COL4A3: variants seen among roughly 807,000 people sequenced by gnomAD.
COL4A3 encodes collagen type IV alpha 3 chain.
COL4A3 carries 135 observed loss-of-function variants against 217.4 expected under a neutral mutation model. The ratio of observed to expected loss-of-function variants is 0.62; its 90% CI spans 0.54 to 0.72. The LOEUF (loss-of-function observed/expected upper bound fraction) is 0.72, where lower values mean the gene tolerates loss of function less well. Ranked by LOEUF, COL4A3 falls within the 30% of genes least tolerant of loss-of-function variation. The pLI is 0.00. For missense variants in COL4A3, 1,868 were observed against 2,119.9 expected, an observed-to-expected ratio of 0.88 and a Z score of 2.33; for synonymous variants, 690 against 736.3, an observed-to-expected ratio of 0.94 and a Z score of 1.02.
chr2:227,171,364 C>T (rs2065466845), intron 1 of COL4A3, among the ~76,000 whole-genome samples: 1 of 152,172 alleles, frequency 6.6e-6, no homozygotes, highest in African/African-American at 2.4e-5. Context: ...GTGCCATGCT[C>T]AGGGTATAAA....
At chr2:227,198,010 G>A (rs895270277) in intron 1 of COL4A3, among the ~76,000 whole-genome samples, 7 of 152,230 alleles carry the variant, frequency 4.6e-5, no homozygotes, top group Non-Finnish European at 8.8e-5. Context: ...TGTGGAAATC[G>A]TGTTTATGCA....
At chr2:227,303,678 T>C (rs1380733526) in intron 44 of COL4A3, among the ~76,000 whole-genome samples, 181 bp from the exon 45 acceptor site, 3 of 152,212 alleles carry the variant, frequency 2.0e-5, no homozygotes, top group Non-Finnish European at 2.9e-5. Flanking sequence ...ACCTACTGGG[T>C]CCCAGTGACA....
chr2:227,250,230 T>C lies in COL4A3; in HGVS notation c.547-910T>C, dbSNP rs570880272. ...TGGGAGGCTGAGGCAGGAGAATCAC[T>C]TGAACCCGGGAGGCAGAGGCTGCAG... On this transcript the variant is annotated intron_variant, in intron 9 of 51. Transcript: ENST00000396578. This position sits in a 1 kb window ranked among gnomAD's most constrained non-coding sequence, Gnocchi z 4.1. Among the ~76,000 whole-genome samples the C allele has an allele frequency of 6.6e-5, 10 of 152,128 alleles. No individual in the cohort carries two copies. The South Asian group carries it at 1.9e-3, about 29-fold the overall frequency.
intron 43 of COL4A3, 139 bp from the exon 44 acceptor site, chr2:227,302,899 G>A (rs2073354669): frequency 3.0e-6 from 2 of 661,476 alleles, no homozygotes; most frequent in East Asian, 5.5e-5. Context: ...TTGATTGAAA[G>A]ATAAAAATGA....
intron 1 of COL4A3, among the ~76,000 whole-genome samples, chr2:227,179,724 C>G (rs1170315686): frequency 6.6e-6 from 1 of 152,332 alleles, no homozygotes; most frequent in East Asian, 1.9e-4. Flanking sequence ...GTGCTACACG[C>G]TGGGAACAAA....
At position 227,203,467 on chromosome 2, in the gene COL4A3, A is replaced by G. The variant is rs1470661186; in HGVS notation, c.88-34501A>G. Among the ~76,000 whole-genome samples the G allele has an allele frequency of 5.8e-4, 23 of 39,862 alleles. 10 individuals carry two copies. The highest frequency in any genetic ancestry group is 2.1e-3 in the African/African-American group (15 of 7,224). 26.2% of individuals were successfully genotyped at this position (39,862 alleles called of 152,430 possible). ...TGTGTATACATACATATATGTGTGT[A>G]TATATGTGTATACATATGTGTGTAT... On this transcript the variant is annotated intron_variant, in intron 1 of 51. Transcript: ENST00000396578.
chr2:227,211,070 G>A (rs2067301592), intron 1 of COL4A3, among the ~76,000 whole-genome samples: 1 of 151,954 alleles, frequency 6.6e-6, no homozygotes, highest in East Asian at 1.9e-4. Flanking sequence ...GTGCAATCTC[G>A]GCTCACTGCA....
At chr2:227,302,339 C>T (rs890800653) in intron 43 of COL4A3, among the ~76,000 whole-genome samples, 1 of 152,132 alleles carries the variant, frequency 6.6e-6, no homozygotes, top group Non-Finnish European at 1.5e-5. Flanking sequence ...TGTAACTCAA[C>T]AACGGTTTTG....
intron 1 of COL4A3, among the ~76,000 whole-genome samples, chr2:227,197,248 G>A (rs546812154): frequency 1.1e-4 from 17 of 151,826 alleles, no homozygotes; most frequent in Non-Finnish European, 2.4e-4. Context: ...ATGGAGTCTC[G>A]CTCTGTCGCC....
chr2:227,234,421 G>A (rs1475916203), intron 1 of COL4A3, among the ~76,000 whole-genome samples: 2 of 152,032 alleles, frequency 1.3e-5, no homozygotes, highest in African/African-American at 4.8e-5. Context: ...TCCATTTTTT[G>A]CCATTTTGAT....
intron 5 of COL4A3, 68 bp downstream of exon 5, chr2:227,245,063 A>G (rs2069248308): frequency 6.7e-7 from 1 of 1,485,272 alleles, no homozygotes; most frequent in African/African-American, 1.4e-5. Context: ...AGATGTTAAA[A>G]CAGTCGTGCA....
In COL4A3 at chr2:227,303,871, A is replaced by G. The variant is rs2073393522; in HGVS notation, c.3968A>G (p.Asn1323Ser). 2 of 1,614,086 alleles carry G rather than the reference A, an allele frequency of 1.2e-6. No homozygotes were observed. The highest frequency in any genetic ancestry group is 1.7e-6 in the Non-Finnish European group (2 of 1,179,998). Residue 1323 changes from asparagine (N) to serine (S), a missense_variant, in exon 45 of 52, where the codon AAT (asparagine) becomes AGT (serine). Coordinates refer to ENST00000396578, the MANE Select transcript of COL4A3 (RefSeq NM_000091.5). Reference protein sequence around the residue: ...GFPGVKGEKGNPGFLGSIGPP... With the variant: ...GFPGVKGEKGSPGFLGSIGPP... The stretch of plus-strand genomic sequence containing the variant: ...TGTTTGTTTTTAGGAGAAAAGGGTA[A>G]TCCTGGATTTCTAGGATCCATTGGA...
At chr2:227,204,857 C>G (rs2067039780) in intron 1 of COL4A3, among the ~76,000 whole-genome samples, 1 of 152,196 alleles carries the variant, frequency 6.6e-6, no homozygotes, top group South Asian at 2.1e-4. Flanking sequence ...CACATAATCA[C>G]AATCTTCCAA....
rs889261148 is a variant in COL4A3, at chr2:227,253,648, C to T, written c.765+10C>T. 1.1e-5 allele frequency: 18 copies of T among 1,609,762 alleles called. No homozygotes were observed. In the African/African-American group the frequency reaches 1.6e-4, roughly 14 times the overall value. ...CCCAGATAACAGAACGGTAACTCTG[C>T]GATTTTATGATTAGTGTTGTGCCTT... is the stretch of plus-strand genomic sequence containing the variant. On this transcript the variant is annotated intron_variant, in intron 13 of 51. Transcript: ENST00000396578. The surrounding 1 kb of genome is among the most constrained non-coding windows in gnomAD (Gnocchi z 4.4).
intron 48 of COL4A3, among the ~76,000 whole-genome samples, chr2:227,308,339 A>G (rs1031125918): frequency 1.5e-4 from 23 of 152,096 alleles, no homozygotes; most frequent in Non-Finnish European, 8.8e-5. Context: ...CAGACTCCCA[A>G]ATGGCTGGGA....
At chr2:227,169,524 C>T (rs1415321209) in intron 1 of COL4A3, among the ~76,000 whole-genome samples, 1 of 151,784 alleles carries the variant, frequency 6.6e-6, no homozygotes, top group Non-Finnish European at 1.5e-5. Flanking sequence ...AAAAGTGTTC[C>T]TATTTCTCCA....
intron 1 of COL4A3, among the ~76,000 whole-genome samples, chr2:227,219,188 C>T (rs1359612749): frequency 1.3e-5 from 2 of 151,836 alleles, no homozygotes; most frequent in African/African-American, 4.8e-5. Flanking sequence ...TAAGTAGATA[C>T]GGAGGTTTCT....
Position 227,289,073 on chromosome 2 carries a change from C to T in COL4A3, c.2882-77C>T, listed in dbSNP as rs759618484. The T allele has an allele frequency of 4.1e-4, 441 of 1,088,106 alleles. 3 individuals are homozygous for T. The highest frequency in any genetic ancestry group is 1.8e-3 in the Middle Eastern group (7 of 3,894). The allele number at this position is 1,088,106 out of a possible 1,614,324, so 67.4% of individuals were successfully genotyped here. A position where few individuals can be genotyped will look rare whatever the true frequency, so the allele number is the denominator to read the frequency against. On this transcript the variant is annotated intron_variant, in intron 34 of 51. Coordinates refer to ENST00000396578, the MANE Select transcript of COL4A3 (RefSeq NM_000091.5). Reference sequence around the variant, plus strand: ...TCAAGTGATTTTCCTGCCTCAGCCTCCCACGTAGCTGGGATTACAGGCACC... The same window carrying T: ...TCAAGTGATTTTCCTGCCTCAGCCTTCCACGTAGCTGGGATTACAGGCACC...
At chr2:227,232,630 T>G (rs1407068865) in intron 1 of COL4A3, among the ~76,000 whole-genome samples, 1 of 152,206 alleles carries the variant, frequency 6.6e-6, no homozygotes, top group South Asian at 2.1e-4. Context: ...TCAATGATTT[T>G]GAGCACCTTT....
Sources: allele counts gnomAD v4.1 joint callset (sites outside exome capture counted in the v4.1 genomes callset), GRCh38; gene constraint gnomAD v4.1.1; non-coding constraint Gnocchi (gnomAD v3.1); transcripts MANE v1.5; gene names NCBI Gene and HGNC (gene_info 2026-07-23, HGNC 2026-07-21).